Variants in EIF4G2 observed in about 807,000 individuals in gnomAD.
EIF4G2 encodes the protein eukaryotic translation initiation factor 4 gamma 2, also known as DAP-5.
EIF4G2 carries 8 observed loss-of-function variants against 117.7 expected under a neutral mutation model. That is an observed-to-expected ratio of 0.07 (90% confidence interval 0.04 to 0.12). The LOEUF is 0.12. Ranked by LOEUF, EIF4G2 falls within the 10% of genes least tolerant of loss-of-function variation. The probability of loss-of-function intolerance (pLI) is 1.00; values close to 1 mark genes in which losing one functional copy is unlikely to be tolerated. For missense variants in EIF4G2, 812 were observed against 1,086.2 expected (o/e 0.75, Z 3.55); for synonymous variants, 413 against 367.8 (o/e 1.12, Z -1.41).
chr11:10,799,799 A>C (rs1423047476), intron 18 of EIF4G2, 43 bp from the exon 19 acceptor site: 1 of 1,590,302 alleles, frequency 6.3e-7, no homozygotes, highest in Non-Finnish European at 8.5e-7. Context: ...AGTTCATTTT[A>C]CCAAGTTGTC....
intron 1 of EIF4G2, 171 bp from the exon 2 acceptor site, chr11:10,807,552 G>C (rs1243360513): frequency 1.6e-6 from 2 of 1,275,838 alleles, no homozygotes; most frequent in African/African-American, 3.1e-5. Flanking sequence ...TAGCCACCTG[G>C]AAATTCCCCG....
In EIF4G2 at chr11:10,808,868, G is replaced by C. The variant is rs1847676385; in HGVS notation, c.-250C>G. 1 of 157,672 alleles carries C rather than the reference G, an allele frequency of 6.3e-6. No individual in the cohort carries two copies. Among genetic ancestry groups the C allele is most frequent in the Admixed American group, 6.5e-5 (1 of 15,312 alleles). The allele number at this position is 157,672 out of a possible 1,614,324, so 9.8% of individuals were successfully genotyped here. On this transcript the variant is annotated 5_prime_UTR_variant, in exon 1 of 22. Transcript: ENST00000339995. ...TCAAACTCAGCTCAGAGGAGTCGCT[G>C]CTGCAGCCGCCACTCGGTACCCGCT...
In EIF4G2 at chr11:10,801,006, G is replaced by C; in HGVS notation, c.1495C>G (p.Pro499Ala). ...TGAGTGCGTGGTGGTTGTGCACTAG[G>C]AGGAATCATAGTTATCTGGGGCTGA... is the stretch of plus-strand genomic sequence containing the variant. Residue 499 changes from proline (P) to alanine (A), a missense_variant, in exon 15 of 22, where the codon CCT (proline) becomes GCT (alanine). By Grantham distance (27) the Pro-to-Ala change is conservative. This residue lies in a region of EIF4G2 where 571 missense variants were observed against 642.3 expected (regional missense o/e 0.89). Transcript: ENST00000339995. 1.2e-6 allele frequency: 2 copies of C among 1,614,210 alleles called. No homozygotes were observed. Among genetic ancestry groups the C allele is most frequent in the African/African-American group, 1.3e-5 (1 of 75,068 alleles).
chr11:10,805,785 A>G, intron 4 of EIF4G2, 122 bp downstream of exon 4: 2 of 1,414,074 alleles, frequency 1.4e-6, no homozygotes, highest in Non-Finnish European at 2.0e-6. Context: ...TGCTACCATG[A>G]GGATTCATTA....
In EIF4G2 at chr11:10,799,116, TAAAA is replaced by T. The variant is rs372541323; in HGVS notation, c.2537-7_2537-4del. On this transcript the variant is annotated splice_polypyrimidine_tract_variant and splice_region_variant and intron_variant, in intron 20 of 21. Coordinates refer to ENST00000339995, the MANE Select transcript of EIF4G2 (RefSeq NM_001418.4). The stretch of plus-strand genomic sequence containing the variant: ...CACAAAAAAGCGAAGTAACATGCCT[TAAAA>T]AAAAAAAAAAAAAGAAAAAAGTAAT... The T allele has an allele frequency of 3.4e-4, 498 of 1,465,810 alleles. No individual in the cohort carries two copies. Among genetic ancestry groups the T allele is most frequent in the South Asian group, 4.6e-4 (35 of 76,344 alleles). 90.8% of individuals were successfully genotyped at this position (1,465,810 alleles called of 1,614,324 possible). A position where few individuals can be genotyped will look rare whatever the true frequency, so the allele number is the denominator to read the frequency against.
In EIF4G2 at chr11:10,803,810, T is replaced by C; in HGVS notation, c.702+89A>G. ...GTAAATTTTGTTGCACATCTGTATTTAACTAGTCAACCTCCCTCTTAGATG... is the reference window on the plus strand; with the variant it reads ...GTAAATTTTGTTGCACATCTGTATTCAACTAGTCAACCTCCCTCTTAGATG... On this transcript the variant is annotated intron_variant, in intron 8 of 21. Coordinates refer to ENST00000339995, the MANE Select transcript of EIF4G2 (RefSeq NM_001418.4). This position sits in a 1 kb window ranked among gnomAD's most constrained non-coding sequence, Gnocchi z 4.0. 2 of 1,474,936 alleles carry C rather than the reference T, an allele frequency of 1.4e-6. No individual in the cohort carries two copies. Among genetic ancestry groups the C allele is most frequent in the Non-Finnish European group, 1.8e-6 (2 of 1,089,202 alleles). The allele number at this position is 1,474,936 out of a possible 1,614,324, so 91.4% of individuals were successfully genotyped here.
At chr11:10,801,209 C>CTT in intron 14 of EIF4G2, 122 bp from the exon 15 acceptor site, 1 of 1,401,360 alleles carries the variant, frequency 7.1e-7, no homozygotes, top group Non-Finnish European at 9.5e-7. Flanking sequence ...TTTTGAAAAA[C>CTT]TAAAGAAGGT....
At chr11:10,799,912 GA>G in intron 18 of EIF4G2, 156 bp from the exon 19 acceptor site, 2 of 1,151,252 alleles carry the variant, frequency 1.7e-6, no homozygotes, top group African/African-American at 1.6e-5. Context: ...TCAACATACG[GA>G]TCAAATGAAA....
chr11:10,800,471 G>A lies in EIF4G2; in HGVS notation c.1821C>T (p.Leu607=). The change falls in exon 17 of 22, where the codon CTC becomes CTT. Residue 607 remains leucine, a synonymous_variant. Transcript: ENST00000339995. ...CACTTGTGGCTATCCCTTCCTGTTT[G>A]AGTAAACTGATCAAAGAACTTGCTT... 6.2e-7 allele frequency: 1 copy of A among 1,614,138 alleles called. No homozygotes were observed. Among genetic ancestry groups the A allele is most frequent in the Non-Finnish European group, 8.5e-7 (1 of 1,180,022 alleles).
Position 10,803,357 on chromosome 11 carries a change from A to T in EIF4G2, c.814-63T>A. The T allele has an allele frequency of 6.3e-7, 1 of 1,585,066 alleles. No individual in the cohort carries two copies. Among genetic ancestry groups the T allele is most frequent in the Non-Finnish European group, 8.6e-7 (1 of 1,158,546 alleles). The stretch of plus-strand genomic sequence containing the variant: ...GCAAATGTGTTCAATTTACAGCTTT[A>T]AGACTTCTAAAATTATAACCCAGTT... On this transcript the variant is annotated intron_variant, in intron 9 of 21. Coordinates refer to ENST00000339995, the MANE Select transcript of EIF4G2 (RefSeq NM_001418.4). This position sits in a 1 kb window ranked among gnomAD's most constrained non-coding sequence, Gnocchi z 4.0.
rs746458672 is a variant in EIF4G2, at chr11:10,801,696, G to A, written c.1378C>T (p.Arg460Trp). Reference sequence around the variant, plus strand: ...TTAAGCTGTCCTTTCTTAGAAAACCGAGGTGGCATATCCTTCGACTGTCCT... The same window carrying A: ...TTAAGCTGTCCTTTCTTAGAAAACCAAGGTGGCATATCCTTCGACTGTCCT... Residue 460 changes from arginine to tryptophan, a missense_variant, in exon 14 of 22, where the codon CGG (arginine) becomes TGG (tryptophan). This residue lies in a region of EIF4G2 where 571 missense variants were observed against 642.3 expected (regional missense o/e 0.89). Coordinates refer to ENST00000339995, the MANE Select transcript of EIF4G2 (RefSeq NM_001418.4). 2 of 1,614,122 alleles carry A rather than the reference G, an allele frequency of 1.2e-6. No individual in the cohort carries two copies. The highest frequency in any genetic ancestry group is 4.5e-5 in the East Asian group (2 of 44,878).
chr11:10,799,463 TTTTCTTGCTCAAGA>T (rs1452500451), intron 19 of EIF4G2, 39 bp from the exon 20 acceptor site: 5 of 1,610,358 alleles, frequency 3.1e-6, no homozygotes, highest in Non-Finnish European at 4.2e-6. Flanking sequence ...CAACAGTGAG[TTTTCTTGCTCAAGA>T]GACAACTCTT....
intron 14 of EIF4G2, 58 bp downstream of exon 14, chr11:10,801,603 G>A (rs764012450): frequency 6.9e-5 from 101 of 1,453,982 alleles, no homozygotes; most frequent in Middle Eastern, 5.2e-4. Flanking sequence ...TATAATCATC[G>A]GGCAATAAAT....
At chr11:10,807,029 G>T in intron 2 of EIF4G2, 144 bp from the exon 3 acceptor site, 1 of 1,126,912 alleles carries the variant, frequency 8.9e-7, no homozygotes, top group Non-Finnish European at 1.3e-6. Context: ...GTATTTTAGT[G>T]CTTGTATATT....
Position 10,799,667 on chromosome 11 carries a change from G to A in EIF4G2, c.2209C>T (p.Leu737=). 1 of 1,614,108 alleles carries A rather than the reference G, an allele frequency of 6.2e-7. No homozygotes were observed. Among genetic ancestry groups the A allele is most frequent in the Non-Finnish European group, 8.5e-7 (1 of 1,179,998 alleles). ...GGATCCAACTTTATTTGCTTCAACAGTTCCTTCTCCAATTTGAGGAGTGGG... is the reference window on the plus strand; with the variant it reads ...GGATCCAACTTTATTTGCTTCAACAATTCCTTCTCCAATTTGAGGAGTGGG... Residue 737 remains leucine, a synonymous_variant, in exon 19 of 22, where the codon CTG becomes TTG. Coordinates refer to ENST00000339995, the MANE Select transcript of EIF4G2 (RefSeq NM_001418.4).
At chr11:10,808,384 TC>T (rs1564986566) in intron 1 of EIF4G2, 1 of 1,240,774 alleles carries the variant, frequency 8.1e-7, no homozygotes, top group South Asian at 1.3e-5. Context: ...GCGCTAGCGG[TC>T]CGAGCCACGC....
chr11:10,799,116 TAAAAAAA>T lies in EIF4G2; in HGVS notation c.2537-10_2537-4del, dbSNP rs372541323. On this transcript the variant is annotated splice_polypyrimidine_tract_variant and splice_region_variant and intron_variant, in intron 20 of 21. Transcript: ENST00000339995. ...CACAAAAAAGCGAAGTAACATGCCT[TAAAAAAA>T]AAAAAAAAAAGAAAAAAGTAATAAG... The T allele has an allele frequency of 1.4e-6, 2 of 1,469,336 alleles. No individual in the cohort carries two copies. Among genetic ancestry groups the T allele is most frequent in the Non-Finnish European group, 9.1e-7 (1 of 1,100,278 alleles). 91.0% of individuals were successfully genotyped at this position (1,469,336 alleles called of 1,614,324 possible).
chr11:10,806,167 ACT>A (rs1353751903), intron 3 of EIF4G2, 120 bp from the exon 4 acceptor site: 1 of 1,370,300 alleles, frequency 7.3e-7, no homozygotes, highest in Non-Finnish European at 1.0e-6. Flanking sequence ...AAGAAAGCCA[ACT>A]CTGGAAATTA....
In EIF4G2 at chr11:10,799,555, G is replaced by C. The variant is rs1467787768; in HGVS notation, c.2321C>G (p.Thr774Ser). ...TGCAGAAAACCATTCGTCTTACCTA[G>C]TCATTAAGATGTTCACAAATCCTTT... is the stretch of plus-strand genomic sequence containing the variant. Residue 774 changes from threonine to serine, a missense_variant, in exon 19 of 22, where the codon ACT (threonine) becomes AGT (serine). Physicochemically the swap from Thr to Ser is moderately conservative, Grantham distance 58. Coordinates refer to ENST00000339995, the MANE Select transcript of EIF4G2 (RefSeq NM_001418.4). The C allele has an allele frequency of 1.9e-6, 3 of 1,613,492 alleles. No homozygotes were observed. Among genetic ancestry groups the C allele is most frequent in the Non-Finnish European group, 2.5e-6 (3 of 1,179,634 alleles).
Sources: allele counts gnomAD v4.1 joint callset, GRCh38; gene constraint gnomAD v4.1.1; regional missense constraint gnomAD v4.1.1; non-coding constraint Gnocchi (gnomAD v3.1); transcripts MANE v1.5; gene names NCBI Gene and HGNC (gene_info 2026-07-23, HGNC 2026-07-21).